The following UBE2E2 variants were observed in gnomAD, a reference collection of about 807,000 sequenced individuals.
UBE2E2 encodes ubiquitin-conjugating enzyme E2 E2.
Under a neutral mutation model 24.7 loss-of-function variants are expected in UBE2E2, and 6 were observed. The observed-to-expected ratio is 0.24, with a 90% CI of 0.13 to 0.48. The LOEUF (loss-of-function observed/expected upper bound fraction) is 0.48, where lower values mean the gene tolerates loss of function less well. Among genes scored for constraint, UBE2E2 ranks in the 20% least tolerant of loss-of-function variants. The pLI is 0.99. For missense variants in UBE2E2, 169 were observed against 245.0 expected (o/e 0.69, Z 2.07); for synonymous variants, 104 against 83.6 (o/e 1.24, Z -1.33).
In UBE2E2 at chr3:23,207,528, A is replaced by G. The variant is rs147858272; in HGVS notation, c.-8-1164A>G. The stretch of plus-strand genomic sequence containing the variant: ...TATGGTTCAATTTTTATTTAGAATC[A>G]TGCAGTCATGCAGGCCTCTGTGTTC... On this transcript the variant is annotated intron_variant, in intron 1 of 5. Coordinates refer to ENST00000396703, the MANE Select transcript of UBE2E2 (RefSeq NM_152653.4). 1.9e-3 allele frequency among the ~76,000 whole-genome samples: 296 copies of G among 152,344 alleles called. 1 individual carries two copies. Among genetic ancestry groups the G allele is most frequent in the African/African-American group, 6.4e-3 (267 of 41,576 alleles).
chr3:23,375,935 T>C (rs1696510828), intron 3 of UBE2E2, among the ~76,000 whole-genome samples: 1 of 152,214 alleles, frequency 6.6e-6, no homozygotes, highest in Admixed American at 6.5e-5. Context: ...AAAAATTTCA[T>C]AAATGGCTTA....
chr3:23,368,781 A>G (rs1696326114), intron 3 of UBE2E2, among the ~76,000 whole-genome samples: 1 of 152,212 alleles, frequency 6.6e-6, no homozygotes, highest in African/African-American at 2.4e-5. Flanking sequence ...GATTTTCACA[A>G]CAAAAAAGTC....
chr3:23,279,355 A>G (rs1028154647), intron 3 of UBE2E2, among the ~76,000 whole-genome samples: 1 of 152,152 alleles, frequency 6.6e-6, no homozygotes, highest in Non-Finnish European at 1.5e-5. Flanking sequence ...GGGGAAACTG[A>G]AAGCACACGC....
At chr3:23,258,900 GAAAA>G (rs11333992) in intron 3 of UBE2E2, among the ~76,000 whole-genome samples, 58 of 78,920 alleles carry the variant, frequency 7.3e-4, no homozygotes, top group African/African-American at 2.3e-3. Flanking sequence ...CTCAAAAAAA[GAAAA>G]AAAAAAAAAA....
At chr3:23,204,614 A>G in intron 1 of UBE2E2, 1 of 906,580 alleles carries the variant, frequency 1.1e-6, no homozygotes, top group Non-Finnish European at 1.3e-6. Flanking sequence ...GCTCTTTGGA[A>G]TTCTGTATGT....
chr3:23,456,518 G>T (rs1296547525), intron 3 of UBE2E2, among the ~76,000 whole-genome samples: 1 of 152,178 alleles, frequency 6.6e-6, no homozygotes, highest in Non-Finnish European at 1.5e-5. Context: ...CTACAGAATG[G>T]TTGTTGAGTT....
intron 5 of UBE2E2, among the ~76,000 whole-genome samples, chr3:23,562,104 T>C (rs1476912985): frequency 6.6e-6 from 1 of 152,192 alleles, no homozygotes; most frequent in Non-Finnish European, 1.5e-5. Context: ...TCCAACACTA[T>C]GTTGAATAGG....
At chr3:23,581,267 C>T (rs1365220661) in intron 5 of UBE2E2, among the ~76,000 whole-genome samples, 4 of 151,556 alleles carry the variant, frequency 2.6e-5, no homozygotes, top group East Asian at 2.0e-4. Context: ...CTATATTGAT[C>T]AGGTTCATCT....
chr3:23,545,958 C>T (rs1695513289), intron 5 of UBE2E2, among the ~76,000 whole-genome samples: 1 of 152,044 alleles, frequency 6.6e-6, no homozygotes, highest in Admixed American at 6.6e-5. Flanking sequence ...AAGCTATGGG[C>T]ACACAAAGGC....
intron 3 of UBE2E2, among the ~76,000 whole-genome samples, chr3:23,336,182 G>A (rs1453360566): frequency 6.6e-6 from 1 of 151,930 alleles, no homozygotes; most frequent in Non-Finnish European, 1.5e-5. Flanking sequence ...CTAATATGTT[G>A]GTTCAGGTTT....
At chr3:23,381,776 A>G (rs892946290) in intron 3 of UBE2E2, among the ~76,000 whole-genome samples, 2 of 152,138 alleles carry the variant, frequency 1.3e-5, no homozygotes, top group Admixed American at 1.3e-4. Context: ...ATCTATGTTG[A>G]CTTAGATGAA....
At chr3:23,210,311 C>T (rs1038908527) in intron 2 of UBE2E2, among the ~76,000 whole-genome samples, 1 of 152,056 alleles carries the variant, frequency 6.6e-6, no homozygotes, top group Non-Finnish European at 1.5e-5. Flanking sequence ...ATTGGTTGGC[C>T]AGGTCTGTGG....
intron 3 of UBE2E2, among the ~76,000 whole-genome samples, chr3:23,222,423 C>A (rs1233180478): frequency 6.6e-6 from 1 of 152,062 alleles, no homozygotes; most frequent in East Asian, 1.9e-4. Context: ...CCCATAATTC[C>A]CACGTGTTGT....
At position 23,591,347 on chromosome 3, in the gene UBE2E2, A is replaced by G. The variant is rs1046581627; in HGVS notation, c.*1516A>G. ...TAAGTCATCCACCTCTAAATATTTT[A>G]ACATTTAAAATGCCTGATTCAAAAG... On this transcript the variant is annotated 3_prime_UTR_variant, in exon 6 of 6. Transcript: ENST00000396703. The G allele has an allele frequency of 1.3e-5, 2 of 152,216 alleles. No individual in the cohort carries two copies. The highest frequency in any genetic ancestry group is 2.4e-5 in the African/African-American group (1 of 41,450). The allele number at this position is 152,216 out of a possible 1,614,324, so 9.4% of individuals were successfully genotyped here.
chr3:23,431,355 G>C (rs566631968), intron 3 of UBE2E2, among the ~76,000 whole-genome samples: 1 of 152,180 alleles, frequency 6.6e-6, no homozygotes. Flanking sequence ...TTAGTGAGCT[G>C]TTCAAAGATG....
chr3:23,267,454 G>T (rs929129896), intron 3 of UBE2E2, among the ~76,000 whole-genome samples: 5 of 152,182 alleles, frequency 3.3e-5, no homozygotes, highest in Non-Finnish European at 7.3e-5. Context: ...AAAAAATCTA[G>T]AAGAAATGGA....
chr3:23,287,797 G>T, intron 3 of UBE2E2, among the ~76,000 whole-genome samples: 2 of 143,426 alleles, frequency 1.4e-5, no homozygotes, highest in Admixed American at 6.9e-5. Context: ...TTACATCTCT[G>T]ATTTTATTCA....
chr3:23,511,598 TG>T, intron 4 of UBE2E2, among the ~76,000 whole-genome samples: 1 of 152,256 alleles, frequency 6.6e-6, no homozygotes. Context: ...CCTAGAGAAA[TG>T]GGCAATTTTC....
At chr3:23,475,536 TC>T (rs1559395360) in intron 3 of UBE2E2, among the ~76,000 whole-genome samples, 1 of 152,046 alleles carries the variant, frequency 6.6e-6, no homozygotes, top group Non-Finnish European at 1.5e-5. Flanking sequence ...ATCAGGGTGA[TC>T]TTTTTCATAT....
Sources: gnomAD v4.1 joint callset for allele counts (sites outside exome capture counted in the v4.1 genomes callset) on GRCh38, gnomAD v4.1.1 for gene constraint, MANE v1.5 for transcripts, NCBI Gene and HGNC (gene_info 2026-07-23, HGNC 2026-07-21) for gene names.